Variants in CADPS2 observed in about 807,000 individuals in gnomAD.
The protein encoded by CADPS2 is calcium dependent secretion activator 2, also known as calcium-dependent secretion activator 2.
Under a neutral mutation model 172.5 loss-of-function variants are expected in CADPS2, and 93 were observed. That is an observed-to-expected ratio of 0.54 (90% CI 0.46 to 0.64). The LOEUF (loss-of-function observed/expected upper bound fraction) is 0.64, where lower values mean the gene tolerates loss of function less well. CADPS2 is among the 30% of genes least tolerant of loss of function. CADPS2 has a pLI of 0.00. For missense variants in CADPS2, 1,420 were observed against 1,565.9 expected, an observed-to-expected ratio of 0.91 and a Z score of 1.57; for synonymous variants, 546 against 555.2, an observed-to-expected ratio of 0.98 and a Z score of 0.23.
intron 1 of CADPS2, among the ~76,000 whole-genome samples, chr7:122,859,725 C>T (rs1248702223): frequency 2.6e-5 from 4 of 152,084 alleles, no homozygotes; most frequent in South Asian, 2.1e-4. Flanking sequence ...TATTTACATA[C>T]GGTATTCTCC....
At chr7:122,506,785 A>G (rs865995747) in intron 9 of CADPS2, among the ~76,000 whole-genome samples, 1 of 152,074 alleles carries the variant, frequency 6.6e-6, no homozygotes, top group Non-Finnish European at 1.5e-5. Flanking sequence ...ATGAAAAATG[A>G]ATAAATCTTC....
At chr7:122,534,244 C>T (rs1434105196) in intron 8 of CADPS2, among the ~76,000 whole-genome samples, 3 of 152,040 alleles carry the variant, frequency 2.0e-5, no homozygotes, top group Admixed American at 6.6e-5. Context: ...CCTAATCTTA[C>T]ATTTAAACAA....
chr7:122,407,820 A>G, intron 19 of CADPS2, 124 bp from the exon 20 acceptor site: 1 of 952,180 alleles, frequency 1.1e-6, no homozygotes, highest in Non-Finnish European at 1.6e-6. Flanking sequence ...TGATAAACAA[A>G]ATATAATAGT....
At chr7:122,430,695 A>G (rs903071745) in intron 17 of CADPS2, among the ~76,000 whole-genome samples, 3 of 152,238 alleles carry the variant, frequency 2.0e-5, no homozygotes, top group Non-Finnish European at 4.4e-5. Flanking sequence ...CCCCAAGATT[A>G]AAAACAGCTG....
intron 1 of CADPS2, among the ~76,000 whole-genome samples, chr7:122,870,833 G>C (rs1038544749): frequency 2.0e-5 from 3 of 151,922 alleles, no homozygotes; most frequent in Non-Finnish European, 4.4e-5. Flanking sequence ...CATGAAATCT[G>C]TTCAAATATT....
chr7:122,542,228 T>C (rs1187154798), intron 8 of CADPS2, among the ~76,000 whole-genome samples: 1 of 152,236 alleles, frequency 6.6e-6, no homozygotes, highest in South Asian at 2.1e-4. Context: ...GAGGCTATAA[T>C]TGGCATGCTG....
chr7:122,770,119 G>A (rs1218249175), intron 1 of CADPS2, among the ~76,000 whole-genome samples: 1 of 152,086 alleles, frequency 6.6e-6, no homozygotes, highest in Non-Finnish European at 1.5e-5. Context: ...ATTAGAACCA[G>A]GTCTCACTGA....
At chr7:122,576,773 ATTTT>A (rs1257767347) in intron 7 of CADPS2, among the ~76,000 whole-genome samples, 1 of 135,914 alleles carries the variant, frequency 7.4e-6, no homozygotes, top group Non-Finnish European at 1.6e-5. Context: ...AGGAGATCTG[ATTTT>A]TTTTTTTTTT....
chr7:122,488,251 A>G (rs1168424877), intron 11 of CADPS2, among the ~76,000 whole-genome samples: 2 of 152,190 alleles, frequency 1.3e-5, no homozygotes, highest in African/African-American at 2.4e-5. Flanking sequence ...ACAGAGCTCC[A>G]GAGGAAAAAA....
At chr7:122,410,992 G>A (rs1296401610) in intron 19 of CADPS2, among the ~76,000 whole-genome samples, 4 of 152,226 alleles carry the variant, frequency 2.6e-5, no homozygotes, top group Middle Eastern at 3.4e-3. Context: ...AGATAACAAA[G>A]CAATGATTGA....
intron 25 of CADPS2, among the ~76,000 whole-genome samples, chr7:122,370,080 C>T (rs2151253512): frequency 6.6e-6 from 1 of 152,290 alleles, no homozygotes; most frequent in South Asian, 2.1e-4. Context: ...TTTCATCTCT[C>T]TTCTCCTGGT....
intron 2 of CADPS2, among the ~76,000 whole-genome samples, chr7:122,733,997 T>C (rs750364915): frequency 6.6e-6 from 1 of 151,890 alleles, no homozygotes; most frequent in Non-Finnish European, 1.5e-5. Flanking sequence ...TTCAGAGAAC[T>C]TTTGTTCACA....
rs1032580363 is a variant in CADPS2, at chr7:122,774,267, TATAC to T, written c.340-37203_340-37200del. 4.0e-3 allele frequency among the ~76,000 whole-genome samples: 477 copies of T among 119,550 alleles called. 10 individuals carry two copies. The East Asian group carries it at 0.041, about 10-fold the overall frequency. The allele number at this position is 119,550 out of a possible 152,430, so 78.4% of individuals were successfully genotyped here. On this transcript the variant is annotated intron_variant, in intron 1 of 29. Transcript: ENST00000449022. Reference sequence around the variant, plus strand: ...ATATATATATATAGACATAGATAGATATACACACACACACACACACACACACACA... The same window carrying T: ...ATATATATATATAGACATAGATAGATACACACACACACACACACACACACA...
chr7:122,387,428 C>G (rs904264280), intron 23 of CADPS2, among the ~76,000 whole-genome samples: 3 of 151,890 alleles, frequency 2.0e-5, no homozygotes, highest in East Asian at 3.9e-4. Context: ...CCAAATGAAG[C>G]TTTTTGTTAT....
chr7:122,520,774 A>G (rs1176273701), intron 8 of CADPS2, among the ~76,000 whole-genome samples: 1 of 152,158 alleles, frequency 6.6e-6, no homozygotes, highest in African/African-American at 2.4e-5. Flanking sequence ...TTTAGTTTCA[A>G]TTAGAATGGT....
chr7:122,684,745 A>G (rs573302793), intron 2 of CADPS2, among the ~76,000 whole-genome samples: 5 of 152,284 alleles, frequency 3.3e-5, no homozygotes, highest in African/African-American at 1.2e-4. Context: ...AAACCATTAC[A>G]TGTTCCACAA....
rs1287606230 is a variant in CADPS2 at position 122,542,483 on chromosome 7, A to G, written c.1475+12067T>C. Among the ~76,000 whole-genome samples the G allele has an allele frequency of 2.6e-5, 4 of 152,182 alleles. No homozygotes were observed. In the East Asian group the frequency reaches 7.7e-4, roughly 29 times the overall value. ...TATTAGCAGATTCTATTAAATGTTCATAACTTTCATTTTAAGATCAAGGGA... is the reference window on the plus strand; with the variant it reads ...TATTAGCAGATTCTATTAAATGTTCGTAACTTTCATTTTAAGATCAAGGGA... On this transcript the variant is annotated intron_variant, in intron 8 of 29. Transcript: ENST00000449022.
intron 17 of CADPS2, among the ~76,000 whole-genome samples, chr7:122,433,749 T>C (rs2050277436): frequency 6.6e-6 from 1 of 152,172 alleles, no homozygotes; most frequent in African/African-American, 2.4e-5. Context: ...TAAAAGTATA[T>C]TTCCTAGAGT....
intron 14 of CADPS2, among the ~76,000 whole-genome samples, chr7:122,469,241 C>T (rs2055573254): frequency 6.6e-6 from 1 of 152,134 alleles, no homozygotes; most frequent in African/African-American, 2.4e-5. Context: ...TTTGGGGGCA[C>T]ATTAGCTGAA....
Sources: gnomAD v4.1 joint callset for allele counts (sites outside exome capture counted in the v4.1 genomes callset) on GRCh38, gnomAD v4.1.1 for gene constraint, MANE v1.5 for transcripts, NCBI Gene and HGNC (gene_info 2026-07-23, HGNC 2026-07-21) for gene names.